The following SLCO3A1 variants were observed in gnomAD, a reference collection of about 807,000 sequenced individuals.
The protein encoded by SLCO3A1 is solute carrier organic anion transporter family member 3A1, also known as PGE1 transporter.
In SLCO3A1, 27 loss-of-function variants were observed where a neutral mutation model predicts 63.1. That is an observed-to-expected ratio of 0.43 (90% CI 0.32 to 0.59). The LOEUF (loss-of-function observed/expected upper bound fraction) is 0.59. Among genes scored for constraint, SLCO3A1 ranks in the 20% least tolerant of loss-of-function variants. The pLI, the probability that SLCO3A1 is intolerant of heterozygous loss-of-function variation, is 0.09. For missense variants in SLCO3A1, 773 were observed against 945.8 expected (o/e 0.82, Z 2.40); for synonymous variants, 473 against 409.9 (o/e 1.15, Z -1.86).
At chr15:92,066,085 G>T (rs1252719215) in intron 2 of SLCO3A1, among the ~76,000 whole-genome samples, 1 of 152,238 alleles carries the variant, frequency 6.6e-6, no homozygotes, top group Non-Finnish European at 1.5e-5. Context: ...AGAGTCTCCA[G>T]TGTGGGAGCA....
intron 9 of SLCO3A1, among the ~76,000 whole-genome samples, chr15:92,154,724 C>CTGGTCAG (rs2048350266): frequency 1.3e-5 from 2 of 151,846 alleles, no homozygotes; most frequent in Non-Finnish European, 2.9e-5. Flanking sequence ...CAGAGGTGTA[C>CTGGTCAG]TGGTCAGTGG....
intron 1 of SLCO3A1, among the ~76,000 whole-genome samples, chr15:91,888,360 A>G (rs955389826): frequency 1.3e-5 from 2 of 152,166 alleles, no homozygotes; most frequent in Non-Finnish European, 2.9e-5. Flanking sequence ...GGGCCCTTAC[A>G]GATATACTTG....
intron 4 of SLCO3A1, among the ~76,000 whole-genome samples, chr15:92,115,589 G>T (rs1471289285): frequency 6.6e-6 from 1 of 152,040 alleles, no homozygotes; most frequent in East Asian, 1.9e-4. Flanking sequence ...ATAGCAGTCT[G>T]TGGGGTGGAG....
At chr15:91,937,800 G>C (rs1208625829) in intron 2 of SLCO3A1, among the ~76,000 whole-genome samples, 3 of 151,990 alleles carry the variant, frequency 2.0e-5, no homozygotes, top group African/African-American at 7.2e-5. Context: ...GGGAAGCACA[G>C]GTTATGCAAA....
At chr15:91,921,473 C>G (rs1270748963) in intron 2 of SLCO3A1, among the ~76,000 whole-genome samples, 1 of 152,196 alleles carries the variant, frequency 6.6e-6, no homozygotes, top group Non-Finnish European at 1.5e-5. Flanking sequence ...ACTCCTGCCT[C>G]TTTGCCAAAA....
chr15:92,172,042 G>A, exon 11 of SLCO3A1: 1 of 590,828 alleles, frequency 1.7e-6, no homozygotes, highest in Non-Finnish European at 3.0e-6. Context: ...CCAAAGAGGT[G>A]ACTTATGGTC....
intron 1 of SLCO3A1, among the ~76,000 whole-genome samples, chr15:91,874,795 A>G (rs1395511346): frequency 2.6e-5 from 4 of 152,168 alleles, no homozygotes; most frequent in Admixed American, 1.3e-4. Context: ...TCCACAGAAC[A>G]TCTTCTGTAA....
intron 2 of SLCO3A1, among the ~76,000 whole-genome samples, chr15:91,961,486 A>G (rs187776821): frequency 1.6e-4 from 24 of 152,392 alleles, no homozygotes; most frequent in Admixed American, 1.5e-3. Context: ...ATGTCAGGCA[A>G]TGAGGTTGAT....
chr15:92,063,720 C>G (rs1005552584), intron 2 of SLCO3A1, among the ~76,000 whole-genome samples: 1 of 152,044 alleles, frequency 6.6e-6, no homozygotes, highest in Non-Finnish European at 1.5e-5. Flanking sequence ...CATGGTGGCG[C>G]GTACCTGTAG....
rs539192977 is a variant in SLCO3A1 at position 92,148,382 on chromosome 15, CCT to C, written c.1688+1225_1688+1226del. Among the ~76,000 whole-genome samples, 44 of 152,340 alleles carry C rather than the reference CCT, an allele frequency of 2.9e-4. No homozygotes were observed. In the South Asian group the frequency reaches 7.7e-3, roughly 27 times the overall value. The stretch of plus-strand genomic sequence containing the variant: ...CTCTCTCACTTTGCCAACCACATTT[CCT>C]CATCTTTATTATGAATTCCCAAGGA... On this transcript the variant is annotated intron_variant, in intron 8 of 9. Transcript: ENST00000318445.
chr15:92,005,416 G>A (rs997606876), intron 2 of SLCO3A1, among the ~76,000 whole-genome samples: 3 of 152,208 alleles, frequency 2.0e-5, no homozygotes, highest in Non-Finnish European at 2.9e-5. Context: ...CTGTCACTGC[G>A]ATCTTGACAT....
At chr15:92,085,593 G>A (rs922524825) in intron 2 of SLCO3A1, among the ~76,000 whole-genome samples, 45 of 152,202 alleles carry the variant, frequency 3.0e-4, no homozygotes, top group Non-Finnish European at 2.8e-4. Flanking sequence ...AGCCATTTGT[G>A]TGTATGTACT....
chr15:92,107,519 T>C (rs540721323), intron 4 of SLCO3A1, among the ~76,000 whole-genome samples: 2 of 152,246 alleles, frequency 1.3e-5, no homozygotes, highest in Non-Finnish European at 1.5e-5. Flanking sequence ...AATGCAGTGC[T>C]ATATACATGC....
At chr15:92,109,469 C>T (rs910304430) in intron 4 of SLCO3A1, among the ~76,000 whole-genome samples, 2 of 152,218 alleles carry the variant, frequency 1.3e-5, no homozygotes, top group East Asian at 1.9e-4. Flanking sequence ...GGAGAACCAA[C>T]TCCCTGCAAC....
intron 2 of SLCO3A1, among the ~76,000 whole-genome samples, chr15:91,962,705 T>C (rs903886566): frequency 6.6e-6 from 1 of 151,992 alleles, no homozygotes; most frequent in Non-Finnish European, 1.5e-5. Flanking sequence ...GATCTCAGGC[T>C]GTCCAGTGCA....
intron 2 of SLCO3A1, among the ~76,000 whole-genome samples, chr15:91,957,705 G>A (rs569285991): frequency 6.6e-5 from 10 of 152,268 alleles, no homozygotes; most frequent in African/African-American, 2.2e-4. Context: ...TTGTATCCCT[G>A]TTGTCATGCC....
At chr15:92,021,213 G>C (rs926348089) in intron 2 of SLCO3A1, among the ~76,000 whole-genome samples, 1 of 152,112 alleles carries the variant, frequency 6.6e-6, no homozygotes, top group African/African-American at 2.4e-5. Context: ...TGCAGCAGAA[G>C]GCCTGCTGAA....
chr15:91,857,051 T>C (rs1896940403), intron 1 of SLCO3A1, among the ~76,000 whole-genome samples: 1 of 150,142 alleles, frequency 6.7e-6, no homozygotes, highest in African/African-American at 2.4e-5. Context: ...TGTGTGTGTG[T>C]GTGTGTGTGT....
At chr15:91,869,023 A>G (rs1020370916) in intron 1 of SLCO3A1, among the ~76,000 whole-genome samples, 1 of 152,212 alleles carries the variant, frequency 6.6e-6, no homozygotes, top group African/African-American at 2.4e-5. Context: ...CCATTCAGAA[A>G]TAATCATGAC....
Sources: gnomAD v4.1 joint callset for allele counts (sites outside exome capture counted in the v4.1 genomes callset) on GRCh38, gnomAD v4.1.1 for gene constraint, MANE v1.5 for transcripts, NCBI Gene and HGNC (gene_info 2026-07-23, HGNC 2026-07-21) for gene names.